The following AOAH variants were observed in gnomAD, a reference collection of about 807,000 sequenced individuals.
AOAH encodes the protein acyloxyacyl hydrolase.
Under a neutral mutation model 92.2 loss-of-function variants are expected in AOAH, and 64 were observed. That is an observed-to-expected ratio of 0.69 (90% CI 0.57 to 0.86). The LOEUF is 0.86. Ranked by LOEUF, AOAH falls within the 40% of genes least tolerant of loss-of-function variation. The pLI is 0.00. For synonymous variants in AOAH, 263 were observed against 254.5 expected (o/e 1.03, Z -0.32); for missense variants, 656 against 694.6 (o/e 0.94, Z 0.62).
At chr7:36,616,957 T>C (rs572250979) in intron 10 of AOAH, among the ~76,000 whole-genome samples, 1 of 152,354 alleles carries the variant, frequency 6.6e-6, no homozygotes, top group South Asian at 2.1e-4. Flanking sequence ...TTCTGACTGA[T>C]GGAGACACGG....
intron 4 of AOAH, among the ~76,000 whole-genome samples, chr7:36,653,691 C>T (rs1481437578): frequency 2.0e-5 from 3 of 152,314 alleles, no homozygotes; most frequent in Admixed American, 1.3e-4. Flanking sequence ...TAAGGAGAAC[C>T]TCTCTCCACA....
intron 1 of AOAH, among the ~76,000 whole-genome samples, chr7:36,715,355 C>T (rs1032959970): frequency 1.3e-5 from 2 of 152,184 alleles, no homozygotes; most frequent in African/African-American, 4.8e-5. Context: ...ACATTCCATG[C>T]TCATGGGTAG....
chr7:36,719,873 C>A (rs1021814162), intron 1 of AOAH, among the ~76,000 whole-genome samples: 11 of 151,716 alleles, frequency 7.3e-5, no homozygotes, highest in Non-Finnish European at 1.2e-4. Flanking sequence ...GCTGTTGAGG[C>A]TTCAGTGTGC....
At chr7:36,637,715 C>A in intron 5 of AOAH, 136 bp downstream of exon 5, 1 of 777,410 alleles carries the variant, frequency 1.3e-6, no homozygotes, top group Non-Finnish European at 2.1e-6. Flanking sequence ...CACATTCCTA[C>A]TTCCATCCCC....
chr7:36,585,439 TG>T (rs766628803), intron 12 of AOAH, among the ~76,000 whole-genome samples: 34 of 152,216 alleles, frequency 2.2e-4, no homozygotes, highest in African/African-American at 2.4e-4. Context: ...ATAGCCCATT[TG>T]GAGGCCTTAT....
chr7:36,530,393 T>A (rs1431314070), intron 19 of AOAH, 25 bp downstream of exon 19: 2 of 1,524,894 alleles, frequency 1.3e-6, no homozygotes, highest in Non-Finnish European at 1.8e-6. Context: ...TCATCTTCTG[T>A]CAATACCCAA....
chr7:36,556,983 C>A (rs1786779822), intron 13 of AOAH, among the ~76,000 whole-genome samples: 1 of 151,610 alleles, frequency 6.6e-6, no homozygotes, highest in South Asian at 2.1e-4. Context: ...AGTCCATTTA[C>A]ATTTAAAGTT....
At chr7:36,543,931 T>TTTTCTTTCTTTC (rs140403418) in intron 15 of AOAH, among the ~76,000 whole-genome samples, 24 of 118,916 alleles carry the variant, frequency 2.0e-4, no homozygotes, top group African/African-American at 6.6e-4. Flanking sequence ...TCTTTTTCTT[T>TTTTCTTTCTTTC]TTTCTTTCTT....
chr7:36,604,055 C>T (rs777186987), intron 11 of AOAH, among the ~76,000 whole-genome samples: 8 of 152,288 alleles, frequency 5.3e-5, no homozygotes, highest in Middle Eastern at 3.4e-3. Flanking sequence ...GCCTCTGCTT[C>T]GTAAATGGTG....
chr7:36,538,472 T>C (rs534142474), intron 16 of AOAH, among the ~76,000 whole-genome samples: 1 of 152,306 alleles, frequency 6.6e-6, no homozygotes, highest in East Asian at 1.9e-4. Context: ...AAAGAATTTA[T>C]GGAGGTGGCG....
At chr7:36,635,654 A>G (rs1793465740) in intron 5 of AOAH, among the ~76,000 whole-genome samples, 2 of 152,148 alleles carry the variant, frequency 1.3e-5, no homozygotes, top group Non-Finnish European at 2.9e-5. Context: ...ATAGCCTGTG[A>G]CGTAAATGGT....
intron 2 of AOAH, among the ~76,000 whole-genome samples, chr7:36,678,608 C>CGCGCGCGCGT (rs1554314448): frequency 5.9e-5 from 7 of 118,480 alleles, no homozygotes; most frequent in African/African-American, 1.7e-4. Flanking sequence ...TGTGCGCGCG[C>CGCGCGCGCGT]GCGCGCGTTA....
chr7:36,530,360 A>C, intron 19 of AOAH, 58 bp downstream of exon 19: 2 of 1,259,766 alleles, frequency 1.6e-6, no homozygotes, highest in Non-Finnish European at 2.3e-6. Flanking sequence ...CCAGTTGCCC[A>C]GGCCCTAAAC....
chr7:36,710,869 C>T (rs1414329069), intron 1 of AOAH, among the ~76,000 whole-genome samples: 2 of 148,546 alleles, frequency 1.3e-5, no homozygotes, highest in Non-Finnish European at 3.0e-5. Context: ...ATAATCACAA[C>T]CCTTTTGTGT....
chr7:36,706,587 A>G (rs1254681661), intron 1 of AOAH, among the ~76,000 whole-genome samples: 1 of 152,184 alleles, frequency 6.6e-6, no homozygotes, highest in Non-Finnish European at 1.5e-5. Flanking sequence ...GCAGCTGGGT[A>G]TTGACTTCTC....
chr7:36,689,068 T>C (rs1009155384), intron 1 of AOAH, among the ~76,000 whole-genome samples: 6 of 152,168 alleles, frequency 3.9e-5, no homozygotes, highest in Non-Finnish European at 7.4e-5. Flanking sequence ...GGTTGGTTGC[T>C]GGGGGCTCCC....
chr7:36,604,161 C>T lies in AOAH; in HGVS notation c.847-9731G>A, dbSNP rs542093113. On this transcript the variant is annotated intron_variant, in intron 11 of 20. Coordinates refer to ENST00000617537, the MANE Select transcript of AOAH (RefSeq NM_001637.4). ...TGGAGCCCTGATGACTTAATCCCTTCTCATCGGCCCCACCTCTTCATATTA... is the reference window on the plus strand; with the variant it reads ...TGGAGCCCTGATGACTTAATCCCTTTTCATCGGCCCCACCTCTTCATATTA... Among the ~76,000 whole-genome samples the T allele has an allele frequency of 3.4e-4, 52 of 152,300 alleles. 2 individuals carry two copies. In the South Asian group the frequency reaches 0.01, roughly 30 times the overall value.
intron 4 of AOAH, among the ~76,000 whole-genome samples, chr7:36,654,158 A>G (rs1794744720): frequency 8.3e-6 from 1 of 121,064 alleles, no homozygotes; most frequent in Non-Finnish European, 1.9e-5. Flanking sequence ...AGCAGCAATC[A>G]ATGCGCTGTT....
intron 16 of AOAH, 33 bp from the exon 17 acceptor site, chr7:36,532,377 C>A (rs1446744473): frequency 1.2e-6 from 2 of 1,608,814 alleles, no homozygotes; most frequent in East Asian, 4.5e-5. Flanking sequence ...AGATTGCATC[C>A]ACTCGGCAAT....
Sources: allele counts gnomAD v4.1 joint callset (sites outside exome capture counted in the v4.1 genomes callset), GRCh38; gene constraint gnomAD v4.1.1; transcripts MANE v1.5; gene names NCBI Gene and HGNC (gene_info 2026-07-23, HGNC 2026-07-21).